AKAP6: variants seen among roughly 807,000 people sequenced by gnomAD.
AKAP6 encodes the protein A-kinase anchoring protein 6.
Under a neutral mutation model 188.5 loss-of-function variants are expected in AKAP6, and 58 were observed. The observed-to-expected ratio is 0.31, with a 90% CI of 0.25 to 0.38. The LOEUF (loss-of-function observed/expected upper bound fraction) is 0.38, where lower values mean the gene tolerates loss of function less well. AKAP6 is among the 10% of genes least tolerant of loss of function. AKAP6 has a pLI of 1.00. For synonymous variants in AKAP6, 989 were observed against 998.6 expected (o/e 0.99, Z 0.18); for missense variants, 2,710 against 2,740.0 (o/e 0.99, Z 0.24).
At chr14:32,389,600 A>G (rs1273268901) in intron 1 of AKAP6, among the ~76,000 whole-genome samples, 1 of 152,054 alleles carries the variant, frequency 6.6e-6, no homozygotes, top group Non-Finnish European at 1.5e-5. Flanking sequence ...TCCTTCATAT[A>G]TGAAGCTTAG....
chr14:32,746,799 T>C (rs183193208), intron 11 of AKAP6, among the ~76,000 whole-genome samples: 71 of 152,278 alleles, frequency 4.7e-4, no homozygotes, highest in Non-Finnish European at 7.8e-4. Context: ...AGGTCAAAGA[T>C]CTGTTACTTG....
chr14:32,822,028 A>G lies in AKAP6; in HGVS notation c.4215A>G (p.Ala1405=). 6.2e-7 allele frequency: 1 copy of G among 1,614,002 alleles called. No homozygotes were observed. Among genetic ancestry groups the G allele is most frequent in the Non-Finnish European group, 8.5e-7 (1 of 1,179,948 alleles). Residue 1405 remains alanine, a synonymous_variant, in exon 13 of 14, where the codon GCA becomes GCG. Coordinates refer to ENST00000280979, the MANE Select transcript of AKAP6 (RefSeq NM_004274.5). ...TEHLDPQMGD[A]VNVLKQKFTD... is the part of the protein sequence containing the mutation. ...ATCTGGACCCACAAATGGGAGATGC[A>G]GTTAACGTGTTAAAGCAAAAATTTA...
intron 12 of AKAP6, among the ~76,000 whole-genome samples, chr14:32,778,452 G>A (rs1358278779): frequency 6.6e-6 from 1 of 151,562 alleles, no homozygotes; most frequent in Non-Finnish European, 1.5e-5. Context: ...TATGTGAGGT[G>A]GTATAATATC....
intron 1 of AKAP6, among the ~76,000 whole-genome samples, chr14:32,396,308 T>C (rs1888878079): frequency 6.6e-6 from 1 of 152,186 alleles, no homozygotes; most frequent in African/African-American, 2.4e-5. Flanking sequence ...CAAGAGCAGA[T>C]GACTTCCTTT....
At chr14:32,700,857 G>A (rs978685020) in intron 9 of AKAP6, among the ~76,000 whole-genome samples, 1 of 152,094 alleles carries the variant, frequency 6.6e-6, no homozygotes, top group Non-Finnish European at 1.5e-5. Flanking sequence ...TTATAGCAGG[G>A]ATATACATTT....
intron 9 of AKAP6, among the ~76,000 whole-genome samples, chr14:32,700,439 T>C (rs1890575092): frequency 6.6e-6 from 1 of 152,180 alleles, no homozygotes; most frequent in African/African-American, 2.4e-5. Flanking sequence ...ACCCCACTTA[T>C]ATATTTGTTC....
intron 2 of AKAP6, among the ~76,000 whole-genome samples, chr14:32,493,438 A>G (rs1880145601): frequency 6.6e-6 from 1 of 152,018 alleles, no homozygotes; most frequent in African/African-American, 2.4e-5. Flanking sequence ...TTTGTACTCC[A>G]GGGCTCAAGT....
intron 9 of AKAP6, among the ~76,000 whole-genome samples, chr14:32,720,507 T>C (rs1307546686): frequency 6.6e-6 from 1 of 152,228 alleles, no homozygotes; most frequent in South Asian, 2.1e-4. Context: ...CTGTTGTGTT[T>C]GAAGTTTGCA....
At position 32,496,347 on chromosome 14, in the gene AKAP6, C is replaced by T. The variant is rs183517583; in HGVS notation, c.325-39207C>T. On this transcript the variant is annotated intron_variant, in intron 2 of 13. Transcript: ENST00000280979. ...GGTGCATAACTTTGGATAAGTTTCT[C>T]AGGAACAAAAACTGCATTTTTATGA... 3.9e-5 allele frequency among the ~76,000 whole-genome samples: 6 copies of T among 152,170 alleles called. No individual in the cohort carries two copies. The East Asian group carries it at 1.2e-3, about 29-fold the overall frequency.
intron 8 of AKAP6, among the ~76,000 whole-genome samples, chr14:32,694,764 G>C (rs1394290483): frequency 2.6e-5 from 4 of 151,392 alleles, no homozygotes; most frequent in Non-Finnish European, 5.9e-5. Flanking sequence ...TTTTTTGACA[G>C]ATCTATTAAG....
intron 2 of AKAP6, among the ~76,000 whole-genome samples, chr14:32,497,176 A>G (rs1880364202): frequency 1.3e-5 from 2 of 152,078 alleles, no homozygotes; most frequent in African/African-American, 2.4e-5. Context: ...CTCTCTATGC[A>G]TAGTATCTTA....
At chr14:32,523,266 A>G (rs954768519) in intron 2 of AKAP6, among the ~76,000 whole-genome samples, 2 of 152,144 alleles carry the variant, frequency 1.3e-5, no homozygotes, top group Admixed American at 1.3e-4. Flanking sequence ...AACATGGCAC[A>G]TGTATACATA....
intron 2 of AKAP6, among the ~76,000 whole-genome samples, chr14:32,534,080 T>G (rs1011150159): frequency 1.5e-4 from 23 of 152,230 alleles, no homozygotes; most frequent in African/African-American, 5.3e-4. Flanking sequence ...TAGCACAATT[T>G]ATCATTCTTC....
chr14:32,445,497 T>C (rs1890725770), intron 2 of AKAP6, among the ~76,000 whole-genome samples: 2 of 152,044 alleles, frequency 1.3e-5, no homozygotes, highest in Non-Finnish European at 2.9e-5. Flanking sequence ...CTCAGCCTCC[T>C]GAGTAGCTGG....
chr14:32,824,359 C>T lies in AKAP6; in HGVS notation c.6546C>T (p.Pro2182=). The change falls in exon 13 of 14, where the codon CCC becomes CCT. Residue 2182 remains proline, a synonymous_variant. Transcript: ENST00000280979. ...CTCCTCCAAATGAATCTGCAGTTCC[C>T]AGCGAAGCTGCAATGCCACTACAAG... ...SSAPPNESAV[P]SEAAMPLQAT... 1 of 1,613,884 alleles carries T rather than the reference C, an allele frequency of 6.2e-7. No individual in the cohort carries two copies. Among genetic ancestry groups the T allele is most frequent in the Middle Eastern group, 1.7e-4 (1 of 6,060 alleles).
intron 2 of AKAP6, among the ~76,000 whole-genome samples, chr14:32,475,576 C>T (rs1384050057): frequency 6.6e-6 from 1 of 152,166 alleles, no homozygotes; most frequent in South Asian, 2.1e-4. Context: ...TCGAGCAAAA[C>T]CAGCTTCTCT....
chr14:32,348,359 G>T (rs10144065), intron 1 of AKAP6, among the ~76,000 whole-genome samples: 6 of 151,436 alleles, frequency 4.0e-5, no homozygotes, highest in Non-Finnish European at 7.4e-5. Flanking sequence ...GAAGAATGTG[G>T]ATACTGAAGA....
intron 2 of AKAP6, among the ~76,000 whole-genome samples, chr14:32,468,708 T>TC (rs935593778): frequency 6.6e-5 from 10 of 152,086 alleles, no homozygotes; most frequent in Non-Finnish European, 1.3e-4. Context: ...CCATTCTTTC[T>TC]CCCAGGTACT....
At chr14:32,414,063 A>G (rs1200142901) in intron 1 of AKAP6, among the ~76,000 whole-genome samples, 3 of 152,032 alleles carry the variant, frequency 2.0e-5, no homozygotes, top group African/African-American at 7.2e-5. Flanking sequence ...ATGAGAAACC[A>G]GCACAACCTT....
Sources: gnomAD v4.1 joint callset for allele counts (sites outside exome capture counted in the v4.1 genomes callset) on GRCh38, gnomAD v4.1.1 for gene constraint, MANE v1.5 for transcripts, NCBI Gene and HGNC (gene_info 2026-07-23, HGNC 2026-07-21) for gene names.